The following MDGA2 variants were observed in gnomAD, a reference collection of about 807,000 sequenced individuals.
The protein encoded by MDGA2 is MAM domain-containing glycosylphosphatidylinositol anchor protein 2.
In MDGA2, 40 loss-of-function variants were observed where a neutral mutation model predicts 117.8. That is an observed-to-expected ratio of 0.34 (90% CI 0.26 to 0.44). The LOEUF is 0.44. MDGA2 is among the 20% of genes least tolerant of loss of function. MDGA2 has a pLI of 1.00. For synonymous variants in MDGA2, 452 were observed against 439.0 expected, an observed-to-expected ratio of 1.03 and a Z score of -0.37; for missense variants, 1,123 against 1,250.6, an observed-to-expected ratio of 0.90 and a Z score of 1.54.
At chr14:46,950,257 TTG>T in intron 9 of MDGA2, among the ~76,000 whole-genome samples, 1 of 151,888 alleles carries the variant, frequency 6.6e-6, no homozygotes, top group African/African-American at 2.4e-5. Flanking sequence ...TTTATCTAGA[TTG>T]ATTATTCAAA....
chr14:46,960,938 G>A (rs757836583), intron 8 of MDGA2, among the ~76,000 whole-genome samples: 58 of 122,768 alleles, frequency 4.7e-4, no homozygotes, highest in Non-Finnish European at 6.7e-4. Flanking sequence ...ATGTGTATGC[G>A]TATATATATA....
At chr14:47,632,836 T>G (rs1418566400) in intron 1 of MDGA2, among the ~76,000 whole-genome samples, 1 of 151,838 alleles carries the variant, frequency 6.6e-6, no homozygotes, top group Non-Finnish European at 1.5e-5. Flanking sequence ...ATCTTTCAAG[T>G]TTTTTTTCAA....
chr14:46,949,312 C>G (rs755213208), intron 9 of MDGA2, among the ~76,000 whole-genome samples: 1 of 151,924 alleles, frequency 6.6e-6, no homozygotes, highest in Admixed American at 6.6e-5. Context: ...GAGGAGTTCA[C>G]GTAATTTGCT....
At chr14:47,600,454 C>T (rs207474808) in intron 1 of MDGA2, among the ~76,000 whole-genome samples, 1 of 151,834 alleles carries the variant, frequency 6.6e-6, no homozygotes, top group African/African-American at 2.4e-5. Flanking sequence ...TTAAAAATAT[C>T]GTATATGGTT....
At chr14:46,955,687 T>C (rs1409581973) in intron 9 of MDGA2, among the ~76,000 whole-genome samples, 1 of 148,464 alleles carries the variant, frequency 6.7e-6, no homozygotes, top group Non-Finnish European at 1.5e-5. Context: ...TGTGAGCTAA[T>C]ACAGGTATAG....
At chr14:47,125,166 T>C (rs1004866590) in intron 5 of MDGA2, among the ~76,000 whole-genome samples, 4 of 152,150 alleles carry the variant, frequency 2.6e-5, no homozygotes, top group Non-Finnish European at 2.9e-5. Flanking sequence ...AAATGGCTGA[T>C]GTTAGTACTA....
chr14:47,264,562 A>G (rs1404316485), intron 2 of MDGA2, among the ~76,000 whole-genome samples: 2 of 152,188 alleles, frequency 1.3e-5, no homozygotes, highest in Non-Finnish European at 2.9e-5. Context: ...CAAATAATTT[A>G]AAATATTTTC....
chr14:46,849,158 T>C (rs561896887), intron 15 of MDGA2, among the ~76,000 whole-genome samples: 1 of 152,118 alleles, frequency 6.6e-6, no homozygotes, highest in South Asian at 2.1e-4. Context: ...AGTCATAATT[T>C]GTATTTTTAA....
chr14:47,007,449 T>C (rs1887751538), intron 8 of MDGA2, among the ~76,000 whole-genome samples: 1 of 151,774 alleles, frequency 6.6e-6, no homozygotes, highest in African/African-American at 2.4e-5. Flanking sequence ...ACGAGTCTGA[T>C]TGTTGGAAAG....
At chr14:47,515,711 A>G (rs1027590126) in intron 1 of MDGA2, among the ~76,000 whole-genome samples, 1 of 152,124 alleles carries the variant, frequency 6.6e-6, no homozygotes, top group African/African-American at 2.4e-5. Context: ...GTACCACAAT[A>G]TATTTTTAGG....
At chr14:46,957,276 T>A in intron 9 of MDGA2, 98 bp downstream of exon 9, 1 of 1,214,672 alleles carries the variant, frequency 8.2e-7, no homozygotes, top group Non-Finnish European at 1.1e-6. Flanking sequence ...CTATGCTCCA[T>A]TGATTTACAA....
At chr14:46,922,079 T>G (rs915959556) in intron 9 of MDGA2, among the ~76,000 whole-genome samples, 55 of 151,322 alleles carry the variant, frequency 3.6e-4, no homozygotes, top group Admixed American at 8.6e-4. Flanking sequence ...CAACTAGGGG[T>G]TTTTTTTAGC....
intron 5 of MDGA2, among the ~76,000 whole-genome samples, chr14:47,123,341 G>A (rs1261556649): frequency 6.6e-6 from 1 of 151,990 alleles, no homozygotes; most frequent in Non-Finnish European, 1.5e-5. Flanking sequence ...TAAAAAATCT[G>A]GGTCATCTTA....
chr14:47,076,124 T>C (rs976082534), intron 6 of MDGA2, among the ~76,000 whole-genome samples: 6 of 152,106 alleles, frequency 3.9e-5, no homozygotes, highest in South Asian at 2.1e-4. Context: ...TGGGTACGAT[T>C]AGTGATGGTG....
At chr14:47,275,763 T>C (rs1888291971) in intron 2 of MDGA2, among the ~76,000 whole-genome samples, 2 of 152,168 alleles carry the variant, frequency 1.3e-5, no homozygotes, top group South Asian at 2.1e-4. Context: ...TAGAGTTTAG[T>C]ACATTGAACT....
chr14:47,222,994 C>T (rs1886355857), intron 2 of MDGA2, among the ~76,000 whole-genome samples: 1 of 152,148 alleles, frequency 6.6e-6, no homozygotes, highest in Admixed American at 6.6e-5. Flanking sequence ...CTTACTGTTC[C>T]AAATGGCTGG....
intron 7 of MDGA2, among the ~76,000 whole-genome samples, chr14:47,042,938 G>T (rs1036599509): frequency 1.3e-5 from 2 of 151,982 alleles, no homozygotes; most frequent in Non-Finnish European, 2.9e-5. Context: ...AGATTTAGAA[G>T]AATTGCCTTA....
intron 6 of MDGA2, among the ~76,000 whole-genome samples, chr14:47,062,198 T>G (rs1889909287): frequency 6.6e-6 from 1 of 152,084 alleles, no homozygotes; most frequent in South Asian, 2.1e-4. Context: ...TGAACTTTTC[T>G]ATTCTACCAT....
chr14:47,030,364 A>G lies in MDGA2; in HGVS notation c.1819+4647T>C, dbSNP rs1888618647. On this transcript the variant is annotated intron_variant, in intron 8 of 16. Coordinates refer to ENST00000399232, the MANE Select transcript of MDGA2 (RefSeq NM_001113498.3). ...ACCCCATCTCTACTAAAAATACAAA[A>G]TTAGCTGGGCATGGTGGCACATGCC... 2.0e-5 allele frequency among the ~76,000 whole-genome samples: 3 copies of G among 151,874 alleles called. No homozygotes were observed. The South Asian group carries it at 6.2e-4, about 32-fold the overall frequency.
Sources: gnomAD v4.1 joint callset for allele counts (sites outside exome capture counted in the v4.1 genomes callset) on GRCh38, gnomAD v4.1.1 for gene constraint, MANE v1.5 for transcripts, NCBI Gene and HGNC (gene_info 2026-07-23, HGNC 2026-07-21) for gene names.